Variants in KANSL1 observed in about 807,000 individuals in gnomAD.
The protein encoded by KANSL1 is KAT8 regulatory NSL complex subunit 1, also known as MLL1/MLL complex subunit KANSL1.
Under a neutral mutation model 103.6 loss-of-function variants are expected in KANSL1, and 22 were observed. The ratio of observed to expected loss-of-function variants is 0.21; its 90% CI spans 0.15 to 0.30. The LOEUF (loss-of-function observed/expected upper bound fraction) is 0.30. KANSL1 is among the 10% of genes least tolerant of loss of function. KANSL1 has a pLI of 1.00. For missense variants in KANSL1, 1,337 were observed against 1,399.8 expected (o/e 0.96, Z 0.72); for synonymous variants, 600 against 527.6 (o/e 1.14, Z -1.88).
intron 1 of KANSL1, among the ~76,000 whole-genome samples, chr17:46,191,505 A>C (rs1025768168): frequency 2.6e-5 from 4 of 152,242 alleles, no homozygotes; most frequent in Admixed American, 1.3e-4. Context: ...ATTACAGACC[A>C]TCCTGACAAA....
At chr17:46,093,390 C>A (rs2079491068) in intron 3 of KANSL1, 2 of 151,954 alleles carry the variant, frequency 1.3e-5, no homozygotes, top group Non-Finnish European at 2.9e-5. Flanking sequence ...TGTATGCTAC[C>A]CTAAGGGAAC....
chr17:46,050,310 A>G (rs2146482097), intron 7 of KANSL1: 1 of 570,262 alleles, frequency 1.8e-6, no homozygotes, highest in Non-Finnish European at 3.1e-6. Flanking sequence ...AGCTACTTGA[A>G]GAGTTAGAAG....
intron 3 of KANSL1, among the ~76,000 whole-genome samples, chr17:46,084,889 T>C (rs1417836838): frequency 1.3e-5 from 2 of 152,046 alleles, no homozygotes; most frequent in African/African-American, 4.8e-5. Context: ...CTTTATCACA[T>C]CCAAATAAAA....
Position 46,063,443 on chromosome 17 carries a change from T to C in KANSL1, c.1848+3094A>G, listed in dbSNP as rs190520064. Among the ~76,000 whole-genome samples, 58 of 152,268 alleles carry C rather than the reference T, an allele frequency of 3.8e-4. No homozygotes were observed. In the East Asian group the frequency reaches 0.01, roughly 27 times the overall value. ...TCATCAGCAAATACCACTGAGGTCATGTCATGAGTGAGGAGCCATGTGAGA... is the reference window on the plus strand; with the variant it reads ...TCATCAGCAAATACCACTGAGGTCACGTCATGAGTGAGGAGCCATGTGAGA... On this transcript the variant is annotated intron_variant, in intron 6 of 14. Coordinates refer to ENST00000432791, the MANE Select transcript of KANSL1 (RefSeq NM_015443.4).
chr17:46,124,191 T>C (rs2043412321), intron 2 of KANSL1, among the ~76,000 whole-genome samples: 1 of 152,156 alleles, frequency 6.6e-6, no homozygotes, highest in Non-Finnish European at 1.5e-5. Context: ...TTGAGCCCAG[T>C]AGTTGGAGAC....
intron 7 of KANSL1, 85 bp from the exon 8 acceptor site, chr17:46,039,969 T>G: frequency 7.8e-7 from 1 of 1,289,840 alleles, no homozygotes; most frequent in Non-Finnish European, 1.1e-6. Context: ...CTCCTTTAAT[T>G]TGCCCAGTGG....
intron 6 of KANSL1, among the ~76,000 whole-genome samples, chr17:46,064,893 T>C (rs1409117995): frequency 1.3e-5 from 2 of 151,988 alleles, no homozygotes; most frequent in Non-Finnish European, 2.9e-5. Flanking sequence ...TTTTTTATTA[T>C]TATTATACTT....
At chr17:46,121,728 A>G (rs1458056891) in intron 2 of KANSL1, among the ~76,000 whole-genome samples, 3 of 152,188 alleles carry the variant, frequency 2.0e-5, no homozygotes, top group Admixed American at 1.3e-4. Context: ...AAAAGCACTT[A>G]GTAATTATTT....
At chr17:46,195,588 G>C (rs1388737625), upstream of KANSL1, among the ~76,000 whole-genome samples, 2 of 152,052 alleles carry the variant, frequency 1.3e-5, no homozygotes, top group African/African-American at 2.4e-5. Flanking sequence ...TTTTTGACAG[G>C]GTCCTGCTCG....
rs1317001949 is a variant in KANSL1, at chr17:46,030,138, T to A, written c.*1338A>T. On this transcript the variant is annotated 3_prime_UTR_variant, in exon 15 of 15. Transcript: ENST00000432791. The stretch of plus-strand genomic sequence containing the variant: ...AATACAAGGTTTTTTTTTTCCATTT[T>A]TTGTTTTTGTTTTTTTTTTCAATGC... 1 of 147,526 alleles carries A rather than the reference T, an allele frequency of 6.8e-6. No individual in the cohort carries two copies. Among genetic ancestry groups the A allele is most frequent in the Admixed American group, 6.9e-5 (1 of 14,598 alleles). 9.1% of individuals were successfully genotyped at this position (147,526 alleles called of 1,614,324 possible). A position where few individuals can be genotyped will look rare whatever the true frequency, so the allele number is the denominator to read the frequency against.
chr17:46,050,597 G>C lies in KANSL1; in HGVS notation c.1956C>G (p.Ala652=). The C allele has an allele frequency of 6.2e-7, 1 of 1,614,092 alleles. No individual in the cohort carries two copies. Among genetic ancestry groups the C allele is most frequent in the Middle Eastern group, 1.6e-4 (1 of 6,062 alleles). Residue 652 remains alanine (A), a synonymous_variant, in exon 7 of 15, where the codon GCC becomes GCG. Transcript: ENST00000432791. ...NTMPPEIHYE[A]PLLERLSQLD... ...ACTGGGAAAGACGTTCCAACAGAGG[G>C]GCTTCATAGTGAATTTCGGGAGGCA...
At chr17:46,152,581 AAG>A (rs1491286034) in intron 2 of KANSL1, among the ~76,000 whole-genome samples, 170 of 111,312 alleles carry the variant, frequency 1.5e-3, no homozygotes, top group African/African-American at 6.7e-3. Flanking sequence ...AATAGACACA[AAG>A]GGGGGGGGGG....
intron 2 of KANSL1, among the ~76,000 whole-genome samples, chr17:46,129,803 G>A (rs1030440214): frequency 2.0e-5 from 3 of 152,040 alleles, no homozygotes; most frequent in African/African-American, 7.2e-5. Context: ...TAGGGGTGGG[G>A]GTGGACCTGT....
chr17:46,172,994 A>T (rs1183499046), intron 1 of KANSL1, among the ~76,000 whole-genome samples: 1 of 151,918 alleles, frequency 6.6e-6, no homozygotes. Flanking sequence ...TGCACTCTTC[A>T]CTCTTCCATA....
At chr17:46,099,641 T>C (rs1296048446) in intron 2 of KANSL1, among the ~76,000 whole-genome samples, 1 of 152,264 alleles carries the variant, frequency 6.6e-6, no homozygotes, top group Non-Finnish European at 1.5e-5. Context: ...AACTCATTCC[T>C]GATGCTTGTT....
intron 7 of KANSL1, chr17:46,041,337 A>G (rs2077306452): frequency 6.6e-6 from 1 of 152,164 alleles, no homozygotes; most frequent in Non-Finnish European, 1.5e-5. Context: ...TACAACTTTT[A>G]GATTTTCCTT....
At chr17:46,162,718 C>T (rs1280637891) in intron 2 of KANSL1, among the ~76,000 whole-genome samples, 1 of 152,198 alleles carries the variant, frequency 6.6e-6, no homozygotes, top group Non-Finnish European at 1.5e-5. Flanking sequence ...TCCACACAAG[C>T]GGGGTCTGAA....
chr17:46,047,815 AAAAC>A (rs1444758337), intron 7 of KANSL1, among the ~76,000 whole-genome samples: 3 of 136,178 alleles, frequency 2.2e-5, no homozygotes, highest in Admixed American at 7.0e-5. Context: ...AAAAAAAAAA[AAAAC>A]AAAAAAAAAA....
rs949280367 is a variant in KANSL1, at chr17:46,181,957, C to T, written c.-89-9725G>A. On this transcript the variant is annotated intron_variant, in intron 1 of 14. Transcript: ENST00000432791. ...TCCACAAAAACTTCTTAGACTCTTC[C>T]AATTCATATCACTTTCTTCCTGCTT... Among the ~76,000 whole-genome samples, 5 of 152,118 alleles carry T rather than the reference C, an allele frequency of 3.3e-5. No homozygotes were observed. In the South Asian group the frequency reaches 1.0e-3, roughly 31 times the overall value.
Sources: gnomAD v4.1 joint callset for allele counts (sites outside exome capture counted in the v4.1 genomes callset) on GRCh38, gnomAD v4.1.1 for gene constraint, MANE v1.5 for transcripts, NCBI Gene and HGNC (gene_info 2026-07-23, HGNC 2026-07-21) for gene names.